TGFBR2: variants seen among roughly 807,000 people sequenced by gnomAD.
The protein encoded by TGFBR2 is TGF-beta receptor type-2.
In TGFBR2, 18 loss-of-function variants were observed where a neutral mutation model predicts 49.0. That is an observed-to-expected ratio of 0.37 (90% CI 0.25 to 0.54). TGFBR2 has a LOEUF of 0.54. TGFBR2 is among the 20% of genes least tolerant of loss of function. TGFBR2 has a pLI of 0.85. For synonymous variants in TGFBR2, 282 were observed against 275.9 expected (o/e 1.02, Z -0.22); for missense variants, 525 against 722.6 (o/e 0.73, Z 3.13).
chr3:30,688,278 G>GT, intron 5 of TGFBR2, 106 bp from the exon 6 acceptor site: 1 of 1,446,468 alleles, frequency 6.9e-7, no homozygotes, highest in Non-Finnish European at 9.7e-7. Flanking sequence ...GTATGTATTT[G>GT]TTACTTAGTG....
intron 1 of TGFBR2, among the ~76,000 whole-genome samples, chr3:30,624,580 C>T (rs988717840): frequency 6.6e-6 from 1 of 151,318 alleles, no homozygotes; most frequent in Non-Finnish European, 1.5e-5. Flanking sequence ...CGTGCCACTG[C>T]ACTCCAGCCT....
chr3:30,680,110 G>T (rs1372509715), intron 5 of TGFBR2, among the ~76,000 whole-genome samples: 1 of 152,054 alleles, frequency 6.6e-6, no homozygotes, highest in Non-Finnish European at 1.5e-5. Context: ...GGGCGACAGA[G>T]CGAGACTCCA....
chr3:30,611,560 T>A (rs1217829716), intron 1 of TGFBR2, among the ~76,000 whole-genome samples: 2 of 151,996 alleles, frequency 1.3e-5, no homozygotes, highest in African/African-American at 4.8e-5. Flanking sequence ...CCAGAGGAAT[T>A]ATCCAGTAGA....
chr3:30,618,875 G>A (rs937430177), intron 1 of TGFBR2, among the ~76,000 whole-genome samples: 2 of 152,124 alleles, frequency 1.3e-5, no homozygotes, highest in African/African-American at 4.8e-5. Flanking sequence ...TGCCACTGTA[G>A]GCTTTTTCAT....
intron 3 of TGFBR2, 64 bp from the exon 4 acceptor site, chr3:30,671,574 A>T: frequency 6.5e-7 from 1 of 1,541,368 alleles, no homozygotes; most frequent in South Asian, 1.1e-5. Context: ...GCATGAACCC[A>T]CTTCCTGACA....
At chr3:30,649,718 G>A (rs188466913) in intron 2 of TGFBR2, among the ~76,000 whole-genome samples, 58 of 152,182 alleles carry the variant, frequency 3.8e-4, no homozygotes, top group African/African-American at 1.3e-3. Flanking sequence ...AGAACCAGCT[G>A]TTGACAAGGA....
At chr3:30,609,750 C>A (rs1343721886) in intron 1 of TGFBR2, among the ~76,000 whole-genome samples, 3 of 152,126 alleles carry the variant, frequency 2.0e-5, no homozygotes, top group Non-Finnish European at 4.4e-5. Flanking sequence ...TAATAACCTG[C>A]TTATTTTGTC....
intron 1 of TGFBR2, among the ~76,000 whole-genome samples, chr3:30,624,963 G>A (rs1427448951): frequency 6.6e-6 from 1 of 152,046 alleles, no homozygotes; most frequent in East Asian, 1.9e-4. Context: ...CTGGGTTCAT[G>A]GATTTATAAT....
At chr3:30,609,940 G>A (rs1003707587) in intron 1 of TGFBR2, among the ~76,000 whole-genome samples, 1 of 152,054 alleles carries the variant, frequency 6.6e-6, no homozygotes, top group Non-Finnish European at 1.5e-5. Context: ...TTTCAATGTA[G>A]CATTCCCTAA....
At chr3:30,645,520 C>T (rs1419566912) in intron 2 of TGFBR2, among the ~76,000 whole-genome samples, 4 of 133,844 alleles carry the variant, frequency 3.0e-5, no homozygotes, top group Non-Finnish European at 6.2e-5. Context: ...GAGTCTTGCT[C>T]TGTCATTCAG....
At chr3:30,612,153 G>A (rs1296830861) in intron 1 of TGFBR2, among the ~76,000 whole-genome samples, 3 of 152,306 alleles carry the variant, frequency 2.0e-5, no homozygotes, top group African/African-American at 7.2e-5. Context: ...GGAGAAGGAA[G>A]AGAAAGACAA....
At chr3:30,614,982 C>A (rs13081419) in intron 1 of TGFBR2, among the ~76,000 whole-genome samples, 82,843 of 151,968 alleles carry the variant, frequency 0.55, 23,870 homozygotes, top group East Asian at 0.77. Context: ...TATCCCATTG[C>A]ATTTTCTTAG....
In TGFBR2 at chr3:30,636,201, A is replaced by G. The variant is rs866596705; in HGVS notation, c.95-8546A>G. The stretch of plus-strand genomic sequence containing the variant: ...TGTGTGTGTGTGTGTGTGTGTGTGT[A>G]TAGTACTGGGATTACAGGCGTGAGC... On this transcript the variant is annotated intron_variant, in intron 1 of 6. Transcript: ENST00000295754. Among the ~76,000 whole-genome samples the G allele has an allele frequency of 3.2e-3, 320 of 98,894 alleles. 1 individual carries two copies. The highest frequency in any genetic ancestry group is 8.9e-3 in the African/African-American group (243 of 27,308). 64.9% of individuals were successfully genotyped at this position (98,894 alleles called of 152,430 possible).
intron 3 of TGFBR2, among the ~76,000 whole-genome samples, chr3:30,670,287 A>T (rs569187466): frequency 6.6e-6 from 1 of 152,248 alleles, no homozygotes; most frequent in Non-Finnish European, 1.5e-5. Context: ...CCACTAATAT[A>T]TAGATTACAT....
intron 2 of TGFBR2, among the ~76,000 whole-genome samples, chr3:30,647,728 G>GTGCAA (rs201345200): frequency 0.02 from 3,041 of 152,136 alleles, 80 homozygotes; most frequent in South Asian, 0.14. Context: ...CCAGGCTGGA[G>GTGCAA]TGCAATGGCG....
chr3:30,621,937 C>T (rs1698238921), intron 1 of TGFBR2, among the ~76,000 whole-genome samples: 1 of 152,112 alleles, frequency 6.6e-6, no homozygotes, highest in Non-Finnish European at 1.5e-5. Context: ...TTTGTTACTC[C>T]CAAGGTATAA....
At chr3:30,616,846 A>G (rs986745572) in intron 1 of TGFBR2, among the ~76,000 whole-genome samples, 1 of 152,192 alleles carries the variant, frequency 6.6e-6, no homozygotes, top group African/African-American at 2.4e-5. Flanking sequence ...GTCTGAGCAT[A>G]CATCCTGACT....
chr3:30,635,311 A>G (rs1698508201), intron 1 of TGFBR2, among the ~76,000 whole-genome samples: 1 of 152,220 alleles, frequency 6.6e-6, no homozygotes, highest in Non-Finnish European at 1.5e-5. Context: ...TGTGGCCTGT[A>G]TCTCAGAGAG....
chr3:30,649,994 A>T (rs1445993658), intron 2 of TGFBR2, among the ~76,000 whole-genome samples: 1 of 152,158 alleles, frequency 6.6e-6, no homozygotes, highest in Non-Finnish European at 1.5e-5. Flanking sequence ...CTCCACCAGG[A>T]CTGCCCCGTG....
Sources: allele counts gnomAD v4.1 joint callset (sites outside exome capture counted in the v4.1 genomes callset), GRCh38; gene constraint gnomAD v4.1.1; transcripts MANE v1.5; gene names NCBI Gene and HGNC (gene_info 2026-07-23, HGNC 2026-07-21).